KCNA5: variants seen among roughly 807,000 people sequenced by gnomAD.
The protein encoded by KCNA5 is cardiac potassium channel.
In KCNA5, 22 loss-of-function variants were observed where a neutral mutation model predicts 26.5. The ratio of observed to expected loss-of-function variants is 0.83; its 90% CI spans 0.59 to 1.18. The LOEUF (loss-of-function observed/expected upper bound fraction) is 1.18, where lower values mean the gene tolerates loss of function less well. Among genes scored for constraint, KCNA5 ranks in the 50% most tolerant of loss-of-function variants. The pLI is 0.00. For missense variants in KCNA5, 916 were observed against 843.2 expected (o/e 1.09, Z -1.07); for synonymous variants, 465 against 372.8 (o/e 1.25, Z -2.85).
At position 5,044,859 on chromosome 12, in the gene KCNA5, C is replaced by T. The variant is rs770276497; in HGVS notation, c.712C>T (p.Leu238Phe). The T allele has an allele frequency of 6.8e-6, 11 of 1,613,910 alleles. No individual in the cohort carries two copies. The highest frequency in any genetic ancestry group is 1.7e-5 in the Admixed American group (1 of 60,006). Residue 238 changes from leucine to phenylalanine, a missense_variant, in exon 1 of 1, where the codon CTT (leucine) becomes TTT (phenylalanine). Transcript: ENST00000252321. ...PRNEFQRQVW[L>F]IFEYPESSGS... ...CAACGAGTTCCAGCGCCAGGTGTGG[C>T]TTATCTTCGAGTATCCGGAGAGCTC... is the stretch of plus-strand genomic sequence containing the variant.
chr12:5,043,934 T>C lies in KCNA5; in HGVS notation c.-214T>C. 1.7e-6 allele frequency: 1 copy of C among 587,222 alleles called. No homozygotes were observed. The highest frequency in any genetic ancestry group is 3.0e-6 in the Non-Finnish European group (1 of 335,366). 36.4% of individuals were successfully genotyped at this position (587,222 alleles called of 1,614,324 possible). On this transcript the variant is annotated 5_prime_UTR_variant, in exon 1 of 1. Coordinates refer to ENST00000252321, the MANE Select transcript of KCNA5 (RefSeq NM_002234.4). ...GGAAGGAGGCTTTTCGGCTGCTTGG[T>C]AACGGGCTGCCAGAAGAGAGAGAGG...
rs767881978 is a variant in KCNA5, at chr12:5,045,876, C to T, written c.1729C>T (p.Arg577Ter). 12 of 1,614,092 alleles carry T rather than the reference C, an allele frequency of 7.4e-6. No homozygotes were observed. The Admixed American group carries it at 1.2e-4, about 16-fold the overall frequency. ...GACCCTGGAGAATGCAGACAGTGCC[C>T]GAAGGGGCAGCTGCCCCCTAGAGAA... ...GGTLENADSA[R>*]RGSCPLEKCN... is the part of the protein sequence containing the mutation. The change falls in exon 1 of 1, where the codon CGA becomes TGA. Residue 577 changes from arginine (R) to a stop codon, truncating the protein, a stop_gained. Coordinates refer to ENST00000252321, the MANE Select transcript of KCNA5 (RefSeq NM_002234.4). LOFTEE classifies it high-confidence loss of function. This position sits in a 1 kb window ranked among gnomAD's most constrained non-coding sequence, Gnocchi z 5.6.
rs765166524 is a variant in KCNA5 at position 5,045,979 on chromosome 12, C to A, written c.1832C>A (p.Thr611Lys). ...CTCTGCCTGGACACCAGCCGGGAAA[C>A]AGATTTGTGAAAGGAGATTCAGGCA... ...YALCLDTSRE[T>K]DL Residue 611 changes from threonine to lysine, a missense_variant, in exon 1 of 1, where the codon ACA (threonine) becomes AAA (lysine). By Grantham distance (78) the Thr-to-Lys change is moderately conservative. Transcript: ENST00000252321. This position sits in a 1 kb window ranked among gnomAD's most constrained non-coding sequence, Gnocchi z 5.6. 2 of 1,613,310 alleles carry A rather than the reference C, an allele frequency of 1.2e-6. No homozygotes were observed. The highest frequency in any genetic ancestry group is 1.7e-6 in the Non-Finnish European group (2 of 1,180,034).
chr12:5,044,226 G>T lies in KCNA5; in HGVS notation c.79G>T (p.Gly27Cys). ...RGGDEARAGCGQATGGELQCP... is the reference protein window; with the variant it reads ...RGGDEARAGCCQATGGELQCP... ...AGGCGATGAGGCCCGGGCAGGCTGC[G>T]GCCAGGCCACAGGGGGAGAGCTCCA... The change falls in exon 1 of 1, where the codon GGC becomes TGC. Residue 27 changes from glycine (G) to cysteine (C), a missense_variant. Coordinates refer to ENST00000252321, the MANE Select transcript of KCNA5 (RefSeq NM_002234.4). The T allele has an allele frequency of 6.5e-7, 1 of 1,538,162 alleles. No individual in the cohort carries two copies.
In KCNA5 at chr12:5,044,292, C is replaced by A. The variant is rs1391014675; in HGVS notation, c.145C>A (p.Pro49Thr). The change falls in exon 1 of 1, where the codon CCG becomes ACG. Residue 49 changes from proline to threonine, a missense_variant. Pro to Thr is a conservative substitution (Grantham distance 38). Transcript: ENST00000252321. The part of the protein sequence containing the change: ...TAGLSDGPKE[P>T]APKGRGAQRD... ...TGGGCTCAGCGATGGGCCCAAGGAG[C>A]CGGCGCCAAAGGGGCGCGGCGCGCA... is the stretch of plus-strand genomic sequence containing the variant. 1 of 1,547,146 alleles carries A rather than the reference C, an allele frequency of 6.5e-7. No homozygotes were observed.
rs527435500 is a variant in KCNA5, at chr12:5,044,672, C to T, written c.525C>T (p.Ile175=). 1 of 1,614,198 alleles carries T rather than the reference C, an allele frequency of 6.2e-7. No homozygotes were observed. The highest frequency in any genetic ancestry group is 1.7e-5 in the Admixed American group (1 of 60,034). ...FDRNRPSFDG[I]LYYYQSGGRL... is the part of the protein sequence containing the mutation. ...GCAACCGGCCCAGCTTCGACGGTAT[C>T]CTCTACTACTACCAGTCCGGGGGCC... The change falls in exon 1 of 1, where the codon ATC becomes ATT. Residue 175 remains isoleucine (I), a synonymous_variant. Coordinates refer to ENST00000252321, the MANE Select transcript of KCNA5 (RefSeq NM_002234.4).
Position 5,044,352 on chromosome 12 carries a change from C to G in KCNA5, c.205C>G (p.Pro69Ala). 1 of 1,547,212 alleles carries G rather than the reference C, an allele frequency of 6.5e-7. No individual in the cohort carries two copies. Among genetic ancestry groups the G allele is most frequent in the South Asian group, 1.2e-5 (1 of 84,478 alleles). ...GGACTCGGGAGTGCGGCCCTTGCCT[C>G]CGCTGCCGGACCCGGGAGTGCGGCC... ...DADSGVRPLPPLPDPGVRPLP... is the reference protein window; with the variant it reads ...DADSGVRPLPALPDPGVRPLP... The change falls in exon 1 of 1, where the codon CCG (proline) becomes GCG (alanine). Residue 69 changes from proline to alanine, a missense_variant. Pro to Ala is a conservative substitution (Grantham distance 27). Coordinates refer to ENST00000252321, the MANE Select transcript of KCNA5 (RefSeq NM_002234.4).
Position 5,046,312 on chromosome 12 carries a change from C to T in KCNA5, c.*323C>T, listed in dbSNP as rs1185421729. 5.1e-6 allele frequency: 2 copies of T among 390,228 alleles called. No homozygotes were observed. Among genetic ancestry groups the T allele is most frequent in the Non-Finnish European group, 1.0e-5 (2 of 200,056 alleles). The allele number at this position is 390,228 out of a possible 1,614,324, so 24.2% of individuals were successfully genotyped here. On this transcript the variant is annotated 3_prime_UTR_variant, in exon 1 of 1. Transcript: ENST00000252321. ...CCCAAACAAAAATGACTCTAAATAG[C>T]CCAGATCCCAAGAGATTATGTAACT...
In KCNA5 at chr12:5,044,051, C is replaced by A; in HGVS notation, c.-97C>A. 1 of 1,393,542 alleles carries A rather than the reference C, an allele frequency of 7.2e-7. No individual in the cohort carries two copies. The highest frequency in any genetic ancestry group is 2.0e-5 in the Admixed American group (1 of 48,956). The allele number at this position is 1,393,542 out of a possible 1,614,324, so 86.3% of individuals were successfully genotyped here. The stretch of plus-strand genomic sequence containing the variant: ...TCTCCCCAGAGAGGGGCCGGCCGAC[C>A]GCTGGAGCGGAGCCTGACGCCAGGC... On this transcript the variant is annotated 5_prime_UTR_variant, in exon 1 of 1. Coordinates refer to ENST00000252321, the MANE Select transcript of KCNA5 (RefSeq NM_002234.4).
Position 5,044,717 on chromosome 12 carries a change from C to T in KCNA5, c.570C>T (p.Asn190=), listed in dbSNP as rs12720444. Residue 190 remains asparagine, a synonymous_variant, in exon 1 of 1, where the codon AAC becomes AAT. Coordinates refer to ENST00000252321, the MANE Select transcript of KCNA5 (RefSeq NM_002234.4). The part of the protein sequence containing the change: ...QSGGRLRRPV[N]VSLDVFADEI... ...GGGGCCGCCTGCGGAGGCCGGTCAA[C>T]GTCTCCCTGGACGTGTTCGCGGACG... The T allele has an allele frequency of 4.7e-3, 7,663 of 1,614,142 alleles. 23 individuals are homozygous for T. Among genetic ancestry groups the T allele is most frequent in the Non-Finnish European group, 5.7e-3 (6,714 of 1,180,032 alleles).
Position 5,043,963 on chromosome 12 carries a change from AG to A in KCNA5, c.-184del. 1.6e-6 allele frequency: 1 copy of A among 624,326 alleles called. No homozygotes were observed. Among genetic ancestry groups the A allele is most frequent in the Non-Finnish European group, 2.8e-6 (1 of 362,076 alleles). The allele number at this position is 624,326 out of a possible 1,614,324, so 38.7% of individuals were successfully genotyped here. ...GGGCTGCCAGAAGAGAGAGAGGCAG[AG>A]AGCAGGGCAGCGGCTTCTTGACGTC... On this transcript the variant is annotated 5_prime_UTR_variant, in exon 1 of 1. Coordinates refer to ENST00000252321, the MANE Select transcript of KCNA5 (RefSeq NM_002234.4).
Position 5,044,315 on chromosome 12 carries a change from G to T in KCNA5, c.168G>T (p.Ala56=), listed in dbSNP as rs990180745. The T allele has an allele frequency of 1.3e-6, 2 of 1,550,132 alleles. No homozygotes were observed. The highest frequency in any genetic ancestry group is 2.3e-5 in the South Asian group (2 of 85,252). The change falls in exon 1 of 1, where the codon GCG becomes GCT. Residue 56 remains alanine, a synonymous_variant. Transcript: ENST00000252321. ...AGCCGGCGCCAAAGGGGCGCGGCGC[G>T]CAGAGAGACGCGGACTCGGGAGTGC... is the stretch of plus-strand genomic sequence containing the variant. ...PKEPAPKGRG[A]QRDADSGVRP... is the part of the protein sequence containing the mutation.
At position 5,045,554 on chromosome 12, in the gene KCNA5, C is replaced by T. The variant is rs768740011; in HGVS notation, c.1407C>T (p.Asp469=). ...GAACCCATTTCTCTAGCATCCCTGACGCCTTCTGGTGGGCAGTGGTCACCA... is the reference window on the plus strand; with the variant it reads ...GAACCCATTTCTCTAGCATCCCTGATGCCTTCTGGTGGGCAGTGGTCACCA... ...NQGTHFSSIP[D]AFWWAVVTMT... is the part of the protein sequence containing the mutation. The change falls in exon 1 of 1, where the codon GAC becomes GAT. Residue 469 remains aspartate (D), a synonymous_variant. Coordinates refer to ENST00000252321, the MANE Select transcript of KCNA5 (RefSeq NM_002234.4). This position sits in a 1 kb window ranked among gnomAD's most constrained non-coding sequence, Gnocchi z 5.6. The T allele has an allele frequency of 2.5e-6, 4 of 1,614,218 alleles. No homozygotes were observed. Among genetic ancestry groups the T allele is most frequent in the Non-Finnish European group, 3.4e-6 (4 of 1,180,046 alleles).
chr12:5,045,051 G>T lies in KCNA5; in HGVS notation c.904G>T (p.Gly302Trp), dbSNP rs564798632. 8.7e-6 allele frequency: 14 copies of T among 1,612,324 alleles called. No homozygotes were observed. Among genetic ancestry groups the T allele is most frequent in the Non-Finnish European group, 1.1e-5 (13 of 1,179,424 alleles). Residue 302 changes from glycine (G) to tryptophan (W), a missense_variant, in exon 1 of 1, where the codon GGG (glycine) becomes TGG (tryptophan). Transcript: ENST00000252321. The surrounding 1 kb of genome is among the most constrained non-coding windows in gnomAD (Gnocchi z 5.6). Reference sequence around the variant, plus strand: ...GCCCGCCCCTGGGGCCAACGGCAGCGGGGTCATGGCCCCGCCCTCTGGCCC... The same window carrying T: ...GCCCGCCCCTGGGGCCAACGGCAGCTGGGTCATGGCCCCGCCCTCTGGCCC... ...PAPAPGANGS[G>W]VMAPPSGPTV...
At position 5,046,383 on chromosome 12, in the gene KCNA5, G is replaced by T; in HGVS notation, c.*394G>T. The T allele has an allele frequency of 4.0e-6, 1 of 252,980 alleles. No homozygotes were observed. The highest frequency in any genetic ancestry group is 8.3e-6 in the Non-Finnish European group (1 of 120,430). The allele number at this position is 252,980 out of a possible 1,614,324, so 15.7% of individuals were successfully genotyped here. ...ATTTGCTTTACATATGATTGTATTTGTGTATAGGGGAAAATATTATTTTTA... is the reference window on the plus strand; with the variant it reads ...ATTTGCTTTACATATGATTGTATTTTTGTATAGGGGAAAATATTATTTTTA... On this transcript the variant is annotated 3_prime_UTR_variant, in exon 1 of 1. Transcript: ENST00000252321.
Position 5,044,353 on chromosome 12 carries a change from C to T in KCNA5, c.206C>T (p.Pro69Leu), listed in dbSNP as rs754050639. The T allele has an allele frequency of 1.3e-6, 2 of 1,546,690 alleles. No individual in the cohort carries two copies. Among genetic ancestry groups the T allele is most frequent in the Admixed American group, 3.8e-5 (2 of 52,256 alleles). The change falls in exon 1 of 1, where the codon CCG (proline) becomes CTG (leucine). Residue 69 changes from proline to leucine, a missense_variant. Coordinates refer to ENST00000252321, the MANE Select transcript of KCNA5 (RefSeq NM_002234.4). ...GACTCGGGAGTGCGGCCCTTGCCTC[C>T]GCTGCCGGACCCGGGAGTGCGGCCC... ...DADSGVRPLP[P>L]LPDPGVRPLP...
chr12:5,045,826 G>T lies in KCNA5; in HGVS notation c.1679G>T (p.Arg560Met). The change falls in exon 1 of 1, where the codon AGG becomes ATG. Residue 560 changes from arginine (R) to methionine (M), a missense_variant. Arg to Met is a moderately conservative substitution (Grantham distance 91). Transcript: ENST00000252321. The surrounding 1 kb of genome is among the most constrained non-coding windows in gnomAD (Gnocchi z 5.6). ...GTCCAGCGGAAGGTCAGCGGGAGCAGGGGATCCTTCTGCAAGGCTGGGGGG... is the reference window on the plus strand; with the variant it reads ...GTCCAGCGGAAGGTCAGCGGGAGCATGGGATCCTTCTGCAAGGCTGGGGGG... Reference protein sequence around the residue: ...RGVQRKVSGSRGSFCKAGGTL... With the variant: ...RGVQRKVSGSMGSFCKAGGTL... 1 of 1,614,126 alleles carries T rather than the reference G, an allele frequency of 6.2e-7. No homozygotes were observed. The highest frequency in any genetic ancestry group is 2.2e-5 in the East Asian group (1 of 44,876).
Position 5,045,770 on chromosome 12 carries a change from T to C in KCNA5, c.1623T>C (p.Thr541=). Residue 541 remains threonine (T), a synonymous_variant, in exon 1 of 1, where the codon ACT becomes ACC. Coordinates refer to ENST00000252321, the MANE Select transcript of KCNA5 (RefSeq NM_002234.4). This position sits in a 1 kb window ranked among gnomAD's most constrained non-coding sequence, Gnocchi z 5.6. ...EPAVLKEEQG[T]QSQGPGLDRG... is the part of the protein sequence containing the mutation. ...CAGTCCTTAAGGAAGAGCAGGGCAC[T>C]CAGAGCCAGGGGCCGGGGCTGGACA... The C allele has an allele frequency of 1.2e-6, 2 of 1,613,868 alleles. No individual in the cohort carries two copies. The highest frequency in any genetic ancestry group is 1.7e-6 in the Non-Finnish European group (2 of 1,179,958).
chr12:5,045,722 G>A lies in KCNA5; in HGVS notation c.1575G>A (p.Arg525=). The A allele has an allele frequency of 1.2e-6, 2 of 1,614,146 alleles. No individual in the cohort carries two copies. Among genetic ancestry groups the A allele is most frequent in the Non-Finnish European group, 1.7e-6 (2 of 1,180,036 alleles). The change falls in exon 1 of 1, where the codon CGG becomes CGA. Residue 525 remains arginine, a synonymous_variant. Transcript: ENST00000252321. This position sits in a 1 kb window ranked among gnomAD's most constrained non-coding sequence, Gnocchi z 5.6. ...IVSNFNYFYH[R]ETDHEEPAVL... is the part of the protein sequence containing the mutation. ...CCAACTTCAACTACTTCTACCACCGGGAAACGGATCACGAGGAGCCGGCAG... is the reference window on the plus strand; with the variant it reads ...CCAACTTCAACTACTTCTACCACCGAGAAACGGATCACGAGGAGCCGGCAG...
Sources: allele counts gnomAD v4.1 joint callset, GRCh38; gene constraint gnomAD v4.1.1; non-coding constraint Gnocchi (gnomAD v3.1); transcripts MANE v1.5; gene names NCBI Gene and HGNC (gene_info 2026-07-23, HGNC 2026-07-21).